Variants in PDSS2 observed in about 807,000 individuals in gnomAD.
PDSS2 encodes the protein all trans-polyprenyl-diphosphate synthase PDSS2.
PDSS2 carries 31 observed loss-of-function variants against 44.5 expected under a neutral mutation model. The ratio of observed to expected loss-of-function variants is 0.70; its 90% CI spans 0.52 to 0.94. PDSS2 has a LOEUF of 0.94. Ranked by LOEUF, PDSS2 falls within the 40% of genes least tolerant of loss-of-function variation. PDSS2 has a pLI of 0.00. For missense variants in PDSS2, 452 were observed against 482.2 expected, an observed-to-expected ratio of 0.94 and a Z score of 0.59; for synonymous variants, 157 against 180.3, an observed-to-expected ratio of 0.87 and a Z score of 1.03.
intron 4 of PDSS2, among the ~76,000 whole-genome samples, chr6:107,229,296 C>T (rs964562302): frequency 6.6e-6 from 1 of 152,158 alleles, no homozygotes; most frequent in Non-Finnish European, 1.5e-5. Flanking sequence ...AAGCAATTCT[C>T]CCGCCTCAGC....
chr6:107,197,853 G>C (rs530370055), intron 6 of PDSS2: 1 of 470,860 alleles, frequency 2.1e-6, no homozygotes, highest in East Asian at 6.9e-5. Flanking sequence ...AGTGTTGAAA[G>C]TAGCATTTGT....
At chr6:107,279,233 A>C (rs887471020) in intron 2 of PDSS2, among the ~76,000 whole-genome samples, 5 of 152,128 alleles carry the variant, frequency 3.3e-5, no homozygotes, top group Non-Finnish European at 7.4e-5. Context: ...TAAAAATAAA[A>C]ATAAAAATAA....
At chr6:107,157,238 G>A (rs1047452107) in intron 7 of PDSS2, among the ~76,000 whole-genome samples, 25 of 152,048 alleles carry the variant, frequency 1.6e-4, no homozygotes, top group Middle Eastern at 3.4e-3. Context: ...AGGCTGGAGC[G>A]CAGTGGTGTG....
At chr6:107,401,224 C>T (rs952179275) in intron 1 of PDSS2, among the ~76,000 whole-genome samples, 4 of 152,108 alleles carry the variant, frequency 2.6e-5, no homozygotes, top group African/African-American at 9.7e-5. Flanking sequence ...CACACAAGCC[C>T]GGCTACTCAG....
intron 1 of PDSS2, among the ~76,000 whole-genome samples, chr6:107,347,781 C>T (rs1278980927): frequency 6.6e-6 from 1 of 152,142 alleles, no homozygotes; most frequent in East Asian, 1.9e-4. Flanking sequence ...TGAAACCTAA[C>T]AACCTATAGA....
intron 1 of PDSS2, among the ~76,000 whole-genome samples, chr6:107,373,350 A>G (rs142711427): frequency 2.6e-5 from 4 of 152,284 alleles, no homozygotes; most frequent in Non-Finnish European, 4.4e-5. Flanking sequence ...CAGAGTAAAA[A>G]TCGGCCTCCA....
At chr6:107,407,693 T>A (rs1273943273) in intron 1 of PDSS2, among the ~76,000 whole-genome samples, 5 of 152,302 alleles carry the variant, frequency 3.3e-5, no homozygotes, top group Non-Finnish European at 5.9e-5. Flanking sequence ...GTAGTACTTA[T>A]TACTAGCAGG....
chr6:107,314,090 C>T (rs896922301), intron 2 of PDSS2, among the ~76,000 whole-genome samples: 10 of 152,058 alleles, frequency 6.6e-5, no homozygotes, highest in African/African-American at 2.4e-4. Flanking sequence ...TGTTCTCTAG[C>T]CTGGGTGACA....
At chr6:107,206,217 ATGCG>A (rs1416127496) in intron 6 of PDSS2, among the ~76,000 whole-genome samples, 1 of 151,972 alleles carries the variant, frequency 6.6e-6, no homozygotes, top group Non-Finnish European at 1.5e-5. Context: ...GATTACAGGC[ATGCG>A]CCACCACGCC....
At chr6:107,434,605 C>T (rs1167295129) in intron 1 of PDSS2, among the ~76,000 whole-genome samples, 2 of 151,966 alleles carry the variant, frequency 1.3e-5, no homozygotes, top group Non-Finnish European at 2.9e-5. Context: ...GGCTGGGAAG[C>T]ATAGTGGCAG....
chr6:107,273,411 T>C (rs149650267), intron 3 of PDSS2, among the ~76,000 whole-genome samples: 4 of 152,052 alleles, frequency 2.6e-5, no homozygotes, highest in African/African-American at 9.6e-5. Context: ...ATAGGGAAAA[T>C]TGATATGCAA....
chr6:107,459,054 T>C lies in PDSS2; in HGVS notation c.232A>G (p.Ser78Gly). The stretch of plus-strand genomic sequence containing the variant: ...TTCCGCACCTGCATAGCGATGTTGC[T>C]GAGCTCGTCGCTCAGCAGGCAGCGA... ...SLRCLLSDELSNIAMQVRKLV... is the reference protein window; with the variant it reads ...SLRCLLSDELGNIAMQVRKLV... Residue 78 changes from serine (S) to glycine (G), a missense_variant, in exon 1 of 8, where the codon AGC becomes GGC. Physicochemically the swap from Ser to Gly is moderately conservative, Grantham distance 56. Coordinates refer to ENST00000369037, the MANE Select transcript of PDSS2 (RefSeq NM_020381.4). This position sits in a 1 kb window ranked among gnomAD's most constrained non-coding sequence, Gnocchi z 4.3. 6.2e-7 allele frequency: 1 copy of C among 1,614,150 alleles called. No individual in the cohort carries two copies. The highest frequency in any genetic ancestry group is 8.5e-7 in the Non-Finnish European group (1 of 1,180,040).
chr6:107,378,735 G>A (rs981299474), intron 1 of PDSS2, among the ~76,000 whole-genome samples: 5 of 152,130 alleles, frequency 3.3e-5, no homozygotes, highest in Non-Finnish European at 7.4e-5. Context: ...GCAATGAGCC[G>A]ATATCGCACC....
chr6:107,412,822 T>TA (rs1780546694), intron 1 of PDSS2, among the ~76,000 whole-genome samples: 1 of 152,194 alleles, frequency 6.6e-6, no homozygotes, highest in African/African-American at 2.4e-5. Flanking sequence ...CTGACCCATG[T>TA]AAAATGTATC....
Position 107,212,112 on chromosome 6 carries a change from A to C in PDSS2, c.873T>G (p.His291Gln). Reference sequence around the variant, plus strand: ...AGATAAAGGGTGTGCAAAGTACCTTATGACTCATGGCCATGTGCTTCCCAT... The same window carrying C: ...AGATAAAGGGTGTGCAAAGTACCTTCTGACTCATGGCCATGTGCTTCCCAT... ...FQYGKHMAMSHKINSDVQPFI... is the reference protein window; with the variant it reads ...FQYGKHMAMSQKINSDVQPFI... The change falls in exon 5 of 8, where the codon CAT becomes CAG. Residue 291 changes from histidine to glutamine, a missense_variant. Coordinates refer to ENST00000369037, the MANE Select transcript of PDSS2 (RefSeq NM_020381.4). 6.2e-7 allele frequency: 1 copy of C among 1,613,668 alleles called. No homozygotes were observed. The highest frequency in any genetic ancestry group is 8.5e-7 in the Non-Finnish European group (1 of 1,179,540).
At chr6:107,417,787 AC>A (rs1256513335) in intron 1 of PDSS2, among the ~76,000 whole-genome samples, 1 of 50,402 alleles carries the variant, frequency 2.0e-5, no homozygotes, top group Non-Finnish European at 6.1e-5. Context: ...ATACACACAC[AC>A]ACACACACAC....
At chr6:107,416,006 T>C (rs933212990) in intron 1 of PDSS2, among the ~76,000 whole-genome samples, 1 of 152,202 alleles carries the variant, frequency 6.6e-6, no homozygotes, top group Non-Finnish European at 1.5e-5. Flanking sequence ...TATTAAAGGA[T>C]GTGATAGCTA....
rs1392171941 is a variant in PDSS2 at position 107,153,085 on chromosome 6, G to A, written c.*1534C>T. 6.6e-6 allele frequency: 1 copy of A among 152,510 alleles called. No homozygotes were observed. Among genetic ancestry groups the A allele is most frequent in the Non-Finnish European group, 1.5e-5 (1 of 68,026 alleles). The allele number at this position is 152,510 out of a possible 1,614,324, so 9.4% of individuals were successfully genotyped here. A position where few individuals can be genotyped will look rare whatever the true frequency, so the allele number is the denominator to read the frequency against. The stretch of plus-strand genomic sequence containing the variant: ...CTCTTCATTGCATGCCACATGTTGG[G>A]CCCTGATAAAATGGTTTTATAACTT... On this transcript the variant is annotated 3_prime_UTR_variant, in exon 8 of 8. Coordinates refer to ENST00000369037, the MANE Select transcript of PDSS2 (RefSeq NM_020381.4).
chr6:107,260,219 A>G (rs559890814), intron 3 of PDSS2, among the ~76,000 whole-genome samples: 13 of 152,340 alleles, frequency 8.5e-5, no homozygotes, highest in South Asian at 4.1e-4. Flanking sequence ...CCTTAGGCAC[A>G]TAAGTCCTCC....
Sources: allele counts gnomAD v4.1 joint callset (sites outside exome capture counted in the v4.1 genomes callset), GRCh38; gene constraint gnomAD v4.1.1; non-coding constraint Gnocchi (gnomAD v3.1); transcripts MANE v1.5; gene names NCBI Gene and HGNC (gene_info 2026-07-23, HGNC 2026-07-21).